Variants in DLG2 observed in about 807,000 individuals in gnomAD.
DLG2 encodes the protein disks large homolog 2.
DLG2 carries 45 observed loss-of-function variants against 132.5 expected under a neutral mutation model. That is an observed-to-expected ratio of 0.34 (90% CI 0.27 to 0.44). The LOEUF is 0.44. DLG2 is among the 20% of genes least tolerant of loss of function. DLG2 has a pLI of 1.00. For missense variants in DLG2, 1,045 were observed against 1,196.9 expected, an observed-to-expected ratio of 0.87 and a Z score of 1.87; for synonymous variants, 424 against 419.6, an observed-to-expected ratio of 1.01 and a Z score of -0.13.
At chr11:84,960,499 A>G (rs3927986) in intron 6 of DLG2, among the ~76,000 whole-genome samples, 70,088 of 150,916 alleles carry the variant, frequency 0.46, 17,947 homozygotes, top group African/African-American at 0.68. Context: ...GCACTGGCGC[A>G]ATCTCGGCTC....
intron 6 of DLG2, among the ~76,000 whole-genome samples, chr11:84,951,532 C>T (rs527613092): frequency 2.0e-5 from 3 of 151,426 alleles, no homozygotes; most frequent in Non-Finnish European, 4.4e-5. Flanking sequence ...TAAATACCGA[C>T]GAGCATTAAA....
chr11:83,902,235 T>C (rs1431267988), intron 15 of DLG2, among the ~76,000 whole-genome samples: 1 of 152,180 alleles, frequency 6.6e-6, no homozygotes, highest in East Asian at 1.9e-4. Flanking sequence ...GCTCCCCTTG[T>C]TCTGGAATAT....
intron 9 of DLG2, among the ~76,000 whole-genome samples, chr11:84,136,719 T>C (rs1027196796): frequency 2.0e-5 from 3 of 152,132 alleles, no homozygotes; most frequent in African/African-American, 7.2e-5. Flanking sequence ...ATTGTGCTTA[T>C]GGTCAAGGCA....
At chr11:84,949,314 G>A (rs1016909210) in intron 6 of DLG2, among the ~76,000 whole-genome samples, 11 of 152,160 alleles carry the variant, frequency 7.2e-5, no homozygotes, top group East Asian at 1.9e-4. Flanking sequence ...GAGGCAGGGC[G>A]AGATCACAGG....
chr11:84,035,167 C>A (rs945380824), intron 11 of DLG2, among the ~76,000 whole-genome samples: 2 of 152,102 alleles, frequency 1.3e-5, no homozygotes, highest in African/African-American at 4.8e-5. Flanking sequence ...CCCAGTAACA[C>A]CTACTCTCCC....
intron 14 of DLG2, among the ~76,000 whole-genome samples, chr11:83,950,471 G>T (rs958496078): frequency 6.6e-6 from 1 of 152,184 alleles, no homozygotes; most frequent in Non-Finnish European, 1.5e-5. Flanking sequence ...GTGCATGCCT[G>T]TAATCCTAGC....
chr11:85,500,557 A>T (rs1179823274), intron 3 of DLG2, among the ~76,000 whole-genome samples: 1 of 37,680 alleles, frequency 2.7e-5, no homozygotes, highest in African/African-American at 1.0e-4. Flanking sequence ...AAATAAAAAT[A>T]AAATAAATAA....
At chr11:84,644,572 G>T (rs1355130687) in intron 6 of DLG2, among the ~76,000 whole-genome samples, 17 of 152,012 alleles carry the variant, frequency 1.1e-4, no homozygotes, top group Non-Finnish European at 1.5e-5. Flanking sequence ...CGGGCGTGGT[G>T]GCGGGCACCT....
chr11:85,593,252 T>C (rs924493001), intron 3 of DLG2, among the ~76,000 whole-genome samples: 1 of 152,194 alleles, frequency 6.6e-6, no homozygotes, highest in Non-Finnish European at 1.5e-5. Context: ...CCAAGTTTAG[T>C]AATAATATTC....
chr11:84,075,951 T>C (rs2096824746), intron 10 of DLG2, among the ~76,000 whole-genome samples: 2 of 152,180 alleles, frequency 1.3e-5, no homozygotes, highest in African/African-American at 4.8e-5. Flanking sequence ...TCTATTACAC[T>C]TGTTCTCATT....
chr11:85,146,192 C>T (rs116180372), intron 5 of DLG2, among the ~76,000 whole-genome samples: 180 of 151,214 alleles, frequency 1.2e-3, no homozygotes, highest in African/African-American at 4.2e-3. Context: ...TTCTCACTTT[C>T]CCCAAACAGA....
At chr11:84,391,117 G>A (rs1435709458) in intron 7 of DLG2, among the ~76,000 whole-genome samples, 1 of 152,132 alleles carries the variant, frequency 6.6e-6, no homozygotes, top group Non-Finnish European at 1.5e-5. Context: ...AATGTCACTA[G>A]GTTTAGTTGT....
At chr11:84,656,812 A>G (rs968662425) in intron 6 of DLG2, among the ~76,000 whole-genome samples, 1 of 152,132 alleles carries the variant, frequency 6.6e-6, no homozygotes, top group East Asian at 1.9e-4. Context: ...TAGGGAGTGG[A>G]AAAAAATGCA....
At chr11:84,950,193 G>A (rs559714045) in intron 6 of DLG2, among the ~76,000 whole-genome samples, 1 of 152,156 alleles carries the variant, frequency 6.6e-6, no homozygotes, top group East Asian at 1.9e-4. Context: ...AAAGTTTGGA[G>A]CATCTGCACT....
rs535513304 is a variant in DLG2, at chr11:83,680,312, T to C, written c.1826-46987A>G. Among the ~76,000 whole-genome samples the C allele has an allele frequency of 6.4e-4, 97 of 152,304 alleles. 2 individuals are homozygous for C. The South Asian group carries it at 0.014, about 23-fold the overall frequency. On this transcript the variant is annotated intron_variant, in intron 18 of 27. Coordinates refer to ENST00000376104, the MANE Select transcript of DLG2 (RefSeq NM_001142699.3). ...TGGCGTGTAATTTTAAAAAATTTAA[T>C]GTACAGTGCAGCTCAAAGGTACTTT...
chr11:85,143,298 T>C (rs2076617733), intron 5 of DLG2, among the ~76,000 whole-genome samples: 2 of 151,588 alleles, frequency 1.3e-5, no homozygotes, highest in Admixed American at 1.3e-4. Context: ...TGTCTAGAAA[T>C]TTATTTATTC....
At chr11:84,348,276 A>G (rs1268494607) in intron 7 of DLG2, among the ~76,000 whole-genome samples, 1 of 152,210 alleles carries the variant, frequency 6.6e-6, no homozygotes, top group East Asian at 1.9e-4. Flanking sequence ...ACATTCATTT[A>G]CTAAAGAAGA....
chr11:83,982,496 A>AG (rs997585671), intron 11 of DLG2, among the ~76,000 whole-genome samples: 14 of 151,586 alleles, frequency 9.2e-5, no homozygotes, highest in South Asian at 4.1e-4. Flanking sequence ...AAAAAAAAAA[A>AG]AAAGAAAAGC....
chr11:84,586,837 T>C (rs901570489), intron 6 of DLG2, among the ~76,000 whole-genome samples: 1 of 152,216 alleles, frequency 6.6e-6, no homozygotes, highest in Non-Finnish European at 1.5e-5. Flanking sequence ...AGTTTATTAC[T>C]ATCTTAACCA....
Sources: allele counts gnomAD v4.1 joint callset (sites outside exome capture counted in the v4.1 genomes callset), GRCh38; gene constraint gnomAD v4.1.1; transcripts MANE v1.5; gene names NCBI Gene and HGNC (gene_info 2026-07-23, HGNC 2026-07-21).